Variants in DIAPH3 observed in about 807,000 individuals in gnomAD.
DIAPH3 encodes protein diaphanous homolog 3.
In DIAPH3, 117 loss-of-function variants were observed where a neutral mutation model predicts 144.3. The ratio of observed to expected loss-of-function variants is 0.81; its 90% CI spans 0.70 to 0.95. The LOEUF (loss-of-function observed/expected upper bound fraction) is 0.95. Among genes scored for constraint, DIAPH3 ranks in the 40% least tolerant of loss-of-function variants. DIAPH3 has a pLI of 0.00. For missense variants in DIAPH3, 1,421 were observed against 1,412.7 expected, an observed-to-expected ratio of 1.01 and a Z score of -0.09; for synonymous variants, 519 against 488.9, an observed-to-expected ratio of 1.06 and a Z score of -0.81.
At chr13:60,093,867 T>C in intron 3 of DIAPH3, 135 bp from the exon 4 acceptor site, 1 of 664,088 alleles carries the variant, frequency 1.5e-6, no homozygotes. Flanking sequence ...CGTGTAGTTC[T>C]GCCTGAAGGA....
At chr13:59,756,436 G>GGAAA (rs2037265147) in intron 27 of DIAPH3, among the ~76,000 whole-genome samples, 1 of 132,852 alleles carries the variant, frequency 7.5e-6, no homozygotes, top group African/African-American at 3.0e-5. Flanking sequence ...AAGGAAGGAA[G>GGAAA]GAAGGAAAGA....
chr13:59,855,600 G>A (rs143008528), intron 22 of DIAPH3, among the ~76,000 whole-genome samples: 334 of 151,664 alleles, frequency 2.2e-3, no homozygotes, highest in African/African-American at 7.5e-3. Flanking sequence ...AGTCAAATTA[G>A]TTCCCTGAGA....
chr13:60,027,058 C>A (rs1184620776), intron 5 of DIAPH3, among the ~76,000 whole-genome samples: 1 of 152,208 alleles, frequency 6.6e-6, no homozygotes, highest in Non-Finnish European at 1.5e-5. Flanking sequence ...AATTTACATT[C>A]TTCTGTCAGA....
intron 21 of DIAPH3, among the ~76,000 whole-genome samples, chr13:59,861,939 T>C (rs568912969): frequency 1.3e-5 from 2 of 152,272 alleles, no homozygotes; most frequent in East Asian, 1.9e-4. Flanking sequence ...AAATAAAACA[T>C]AGACTTTCCT....
intron 1 of DIAPH3, among the ~76,000 whole-genome samples, chr13:60,152,326 T>C (rs1208781062): frequency 6.6e-6 from 1 of 152,016 alleles, no homozygotes; most frequent in Non-Finnish European, 1.5e-5. Context: ...CTTGGATATA[T>C]CCCACATCCC....
intron 27 of DIAPH3, among the ~76,000 whole-genome samples, chr13:59,679,315 G>A (rs1238904857): frequency 6.6e-6 from 1 of 152,188 alleles, no homozygotes; most frequent in Non-Finnish European, 1.5e-5. Context: ...CATTGGCAGA[G>A]CTTGTGCTTC....
intron 24 of DIAPH3, among the ~76,000 whole-genome samples, chr13:59,811,797 A>T (rs1290223048): frequency 6.6e-6 from 1 of 151,412 alleles, no homozygotes; most frequent in Non-Finnish European, 1.5e-5. Flanking sequence ...TCTGGCTTTG[A>T]TCAAAACTAA....
At position 59,703,931 on chromosome 13, in the gene DIAPH3, T is replaced by C. The variant is rs544628672; in HGVS notation, c.3320-37085A>G. 7.2e-5 allele frequency among the ~76,000 whole-genome samples: 11 copies of C among 152,330 alleles called. No individual in the cohort carries two copies. In the East Asian group the frequency reaches 1.9e-3, roughly 27 times the overall value. On this transcript the variant is annotated intron_variant, in intron 27 of 27. Coordinates refer to ENST00000400324, the MANE Select transcript of DIAPH3 (RefSeq NM_001042517.2). ...TTCTTCTGGAAAGAAAAGGTAAATG[T>C]CTTACTAATCTCCATCCAGTCAGGA...
intron 27 of DIAPH3, among the ~76,000 whole-genome samples, chr13:59,699,465 A>C (rs915543345): frequency 3.9e-5 from 6 of 152,176 alleles, no homozygotes; most frequent in African/African-American, 1.4e-4. Context: ...CTCTTACTTC[A>C]CTGGAGGGTT....
At chr13:59,763,329 TGTGTGTACACAC>T (rs2037704092) in intron 27 of DIAPH3, among the ~76,000 whole-genome samples, 2 of 152,072 alleles carry the variant, frequency 1.3e-5, no homozygotes, top group Non-Finnish European at 2.9e-5. Context: ...TATACATATA[TGTGTGTACACAC>T]ACACATATGT....
At chr13:60,028,678 T>C (rs535183690) in intron 5 of DIAPH3, among the ~76,000 whole-genome samples, 1 of 152,166 alleles carries the variant, frequency 6.6e-6, no homozygotes, top group African/African-American at 2.4e-5. Context: ...ACTCCACATA[T>C]GTAAGCTCCA....
intron 25 of DIAPH3, among the ~76,000 whole-genome samples, chr13:59,786,396 T>C (rs2039030755): frequency 6.6e-6 from 1 of 152,166 alleles, no homozygotes. Flanking sequence ...TTTAACTATA[T>C]ACACAACCAG....
intron 27 of DIAPH3, among the ~76,000 whole-genome samples, chr13:59,750,995 T>C (rs1264721097): frequency 2.0e-5 from 3 of 152,250 alleles, no homozygotes; most frequent in African/African-American, 7.2e-5. Context: ...CACTGTCGGC[T>C]GCTCAAATGA....
At position 60,093,649 on chromosome 13, in the gene DIAPH3, G is replaced by T. The variant is rs1594646610; in HGVS notation, c.474C>A (p.Tyr158Ter). ...FSIKKEMVMQ[Y>*]INTASKTGSL... The stretch of plus-strand genomic sequence containing the variant: ...TTACTGTCTTAGAAGCAGTATTAAT[G>T]TACTGCATCACCATTTCTTTTTTGA... The change falls in exon 4 of 28, where the codon TAC becomes TAA. Residue 158 changes from tyrosine (Y) to a stop codon, truncating the protein, a stop_gained. Coordinates refer to ENST00000400324, the MANE Select transcript of DIAPH3 (RefSeq NM_001042517.2). LOFTEE classifies it high-confidence loss of function. 1.9e-6 allele frequency: 3 copies of T among 1,606,416 alleles called. No homozygotes were observed. The highest frequency in any genetic ancestry group is 4.5e-5 in the East Asian group (2 of 44,736).
chr13:60,042,873 T>C lies in DIAPH3; in HGVS notation c.496-53A>G, dbSNP rs555295404. On this transcript the variant is annotated intron_variant, in intron 4 of 27. Coordinates refer to ENST00000400324, the MANE Select transcript of DIAPH3 (RefSeq NM_001042517.2). ...ATTAATACTGCATGGAGATTACCCATTAAAAAATAACAAGTTAATCTCCCT... is the reference window on the plus strand; with the variant it reads ...ATTAATACTGCATGGAGATTACCCACTAAAAAATAACAAGTTAATCTCCCT... 52 of 1,594,510 alleles carry C rather than the reference T, an allele frequency of 3.3e-5. No homozygotes were observed. In the South Asian group the frequency reaches 5.2e-4, roughly 16 times the overall value.
intron 1 of DIAPH3, among the ~76,000 whole-genome samples, chr13:60,134,762 T>C (rs2059226291): frequency 6.6e-6 from 1 of 151,676 alleles, no homozygotes; most frequent in East Asian, 1.9e-4. Flanking sequence ...CCAAGTGGCC[T>C]AATGCTTAAA....
At chr13:60,062,278 T>C (rs1463048176) in intron 4 of DIAPH3, among the ~76,000 whole-genome samples, 1 of 152,150 alleles carries the variant, frequency 6.6e-6, no homozygotes, top group Non-Finnish European at 1.5e-5. Context: ...GATACTTACA[T>C]CCATTTATCC....
At chr13:60,082,599 C>G (rs539039348) in intron 4 of DIAPH3, among the ~76,000 whole-genome samples, 2 of 151,560 alleles carry the variant, frequency 1.3e-5, no homozygotes, top group African/African-American at 2.4e-5. Context: ...AGATCCTAAG[C>G]AAAAAAACGT....
At chr13:60,100,858 T>C (rs772245054) in intron 3 of DIAPH3, among the ~76,000 whole-genome samples, 33 of 151,686 alleles carry the variant, frequency 2.2e-4, no homozygotes, top group Non-Finnish European at 4.0e-4. Context: ...AAATACACAC[T>C]GAATTGAGGG....
Sources: gnomAD v4.1 joint callset for allele counts (sites outside exome capture counted in the v4.1 genomes callset) on GRCh38, gnomAD v4.1.1 for gene constraint, MANE v1.5 for transcripts, NCBI Gene and HGNC (gene_info 2026-07-23, HGNC 2026-07-21) for gene names.